The following ATOSA variants were observed in gnomAD, a reference collection of about 807,000 sequenced individuals.
ATOSA encodes the protein atos homolog protein A.
the ATOSA span, among the ~76,000 whole-genome samples, chr15:52,625,136 C>A: frequency 6.6e-6 from 1 of 152,044 alleles, no homozygotes; most frequent in African/African-American, 2.4e-5. Flanking sequence ...CCTAACCTAA[C>A]CTACTTTACT....
the ATOSA span, among the ~76,000 whole-genome samples, chr15:52,677,306 T>C: frequency 6.6e-6 from 1 of 152,200 alleles, no homozygotes; most frequent in Non-Finnish European, 1.5e-5. Flanking sequence ...AAGCTCTCAC[T>C]ACTAACCACT....
chr15:52,679,754 G>GTCTCCT, the ATOSA span, among the ~76,000 whole-genome samples: 1 of 120,102 alleles, frequency 8.3e-6, no homozygotes, highest in Admixed American at 8.9e-5. Flanking sequence ...TATAGTCGTC[G>GTCTCCT]TCTCCTCCTC....
At chr15:52,629,907 C>T in the ATOSA span, among the ~76,000 whole-genome samples, 1 of 151,598 alleles carries the variant, frequency 6.6e-6, no homozygotes, top group Non-Finnish European at 1.5e-5. Flanking sequence ...AGAAACAAAA[C>T]AAATGAAGTA....
At chr15:52,611,222 A>C in the ATOSA span, 1 of 1,613,880 alleles carries the variant, frequency 6.2e-7, no homozygotes, top group Non-Finnish European at 8.5e-7. Flanking sequence ...CAGCCAACAG[A>C]AGCGTCTTCT....
chr15:52,591,269 C>T, the ATOSA span, among the ~76,000 whole-genome samples: 10 of 152,146 alleles, frequency 6.6e-5, no homozygotes, highest in South Asian at 2.1e-4. Flanking sequence ...TTGCTCTTGT[C>T]GCCCAGGCTG....
chr15:52,612,934 A>G, the ATOSA span, among the ~76,000 whole-genome samples: 2,683 of 152,272 alleles, frequency 0.018, 85 homozygotes, highest in African/African-American at 0.062. Flanking sequence ...ACACAAAAAC[A>G]TTAACAAAAA....
the ATOSA span, chr15:52,611,671 T>C: frequency 6.2e-7 from 1 of 1,614,044 alleles, no homozygotes; most frequent in Non-Finnish European, 8.5e-7. Flanking sequence ...GGTGGGCCCA[T>C]CATCGCTGTA....
the ATOSA span, among the ~76,000 whole-genome samples, chr15:52,630,055 T>C: frequency 4.6e-5 from 7 of 152,312 alleles, no homozygotes; most frequent in East Asian, 1.2e-3. Flanking sequence ...AAGTCATTAC[T>C]GTACTTTTGT....
chr15:52,655,866 G>C, the ATOSA span, among the ~76,000 whole-genome samples: 1 of 152,048 alleles, frequency 6.6e-6, no homozygotes, highest in Non-Finnish European at 1.5e-5. Flanking sequence ...TAACCTGTCT[G>C]AATCTATTTC....
At chr15:52,615,620 C>T in the ATOSA span, among the ~76,000 whole-genome samples, 13 of 152,298 alleles carry the variant, frequency 8.5e-5, 1 homozygote, top group Admixed American at 8.5e-4. Context: ...AGACTGGAGC[C>T]AGCTTATGAA....
the ATOSA span, chr15:52,613,803 G>A: frequency 1.2e-6 from 2 of 1,613,770 alleles, no homozygotes; most frequent in Middle Eastern, 3.3e-4. Context: ...TATCAGCAAG[G>A]CCAAAGAGAC....
chr15:52,689,950 C>T, the ATOSA span, among the ~76,000 whole-genome samples: 1 of 152,180 alleles, frequency 6.6e-6, no homozygotes, highest in South Asian at 2.1e-4. Flanking sequence ...GGAGGTACTG[C>T]CAGTCCTAAA....
chr15:52,631,981 T>C, the ATOSA span, among the ~76,000 whole-genome samples: 4 of 152,166 alleles, frequency 2.6e-5, no homozygotes, highest in African/African-American at 2.4e-5. Flanking sequence ...CCTCAAGCGA[T>C]CCTCCAGCTT....
chr15:52,685,802 TG>T, the ATOSA span, among the ~76,000 whole-genome samples: 3 of 152,160 alleles, frequency 2.0e-5, no homozygotes, highest in African/African-American at 7.2e-5. Flanking sequence ...TGGACTCCTG[TG>T]GGCAAATTAT....
chr15:52,647,755 A>G, the ATOSA span, among the ~76,000 whole-genome samples: 5 of 152,246 alleles, frequency 3.3e-5, no homozygotes, highest in Non-Finnish European at 7.3e-5. Context: ...TACACACACA[A>G]CAGAAACAAT....
At chr15:52,637,432 T>G in the ATOSA span, among the ~76,000 whole-genome samples, 4 of 152,198 alleles carry the variant, frequency 2.6e-5, no homozygotes, top group African/African-American at 9.7e-5. Flanking sequence ...CCAAATTTGC[T>G]CGTCCTCTTA....
chr15:52,682,361 T>A, the ATOSA span, among the ~76,000 whole-genome samples: 1 of 152,042 alleles, frequency 6.6e-6, no homozygotes, highest in Non-Finnish European at 1.5e-5. Context: ...GTAATGAAGT[T>A]AAGATGAGGT....
At chr15:52,610,074 C>T in the ATOSA span, 2 of 1,613,970 alleles carry the variant, frequency 1.2e-6, no homozygotes, top group South Asian at 2.2e-5. Context: ...TTGCATGTAA[C>T]ACACTTTCAG....
chr15:52,608,219 G>A, the ATOSA span, among the ~76,000 whole-genome samples: 2 of 152,104 alleles, frequency 1.3e-5, no homozygotes, highest in South Asian at 2.1e-4. Flanking sequence ...AGAAAAAGAG[G>A]CCTTTAAGAT....
Sources: gnomAD v4.1 joint callset for allele counts (sites outside exome capture counted in the v4.1 genomes callset) on GRCh38, gnomAD v4.1.1 for gene constraint, MANE v1.5 for transcripts, NCBI Gene and HGNC (gene_info 2026-07-23, HGNC 2026-07-21) for gene names.